The following BCL11B variants were observed in gnomAD, a reference collection of about 807,000 sequenced individuals.
The protein encoded by BCL11B is B-cell lymphoma/leukemia 11B.
In BCL11B, 8 loss-of-function variants were observed where a neutral mutation model predicts 49.9. The observed-to-expected ratio is 0.16, with a 90% confidence interval of 0.09 to 0.29. The LOEUF is 0.29. Among genes scored for constraint, BCL11B ranks in the 10% least tolerant of loss-of-function variants. The pLI is 1.00. For synonymous variants in BCL11B, 739 were observed against 637.4 expected (o/e 1.16, Z -2.40); for missense variants, 1,006 against 1,351.0 (o/e 0.74, Z 4.00).
At chr14:99,225,837 G>A (rs2139876547) in intron 3 of BCL11B, among the ~76,000 whole-genome samples, 1 of 152,346 alleles carries the variant, frequency 6.6e-6, no homozygotes, top group Non-Finnish European at 1.5e-5. Context: ...TCCACTCAGG[G>A]ATTTGCTGGG....
intron 2 of BCL11B, among the ~76,000 whole-genome samples, chr14:99,254,540 G>C (rs142565045): frequency 1.3e-5 from 2 of 152,318 alleles, no homozygotes; most frequent in South Asian, 4.1e-4. Context: ...CAGGACCCTC[G>C]AGGTCACCTC....
In BCL11B at chr14:99,261,832, G is replaced by A. The variant is rs139388671; in HGVS notation, c.59-3993C>T. On this transcript the variant is annotated intron_variant, in intron 1 of 3. Coordinates refer to ENST00000357195, the MANE Select transcript of BCL11B (RefSeq NM_138576.4). ...AAGGCAGATATCAGAGGGCTGAGGC[G>A]GATTCTGAAATGCTAAATCCTAAAG... Among the ~76,000 whole-genome samples, 105 of 152,216 alleles carry A rather than the reference G, an allele frequency of 6.9e-4. 1 individual carries two copies. In the East Asian group the frequency reaches 9.3e-3, roughly 13 times the overall value.
rs2139829888 is a variant in BCL11B at position 99,205,438 on chromosome 14, T to C, written c.640+25907A>G. 6.6e-6 allele frequency among the ~76,000 whole-genome samples: 1 copy of C among 152,268 alleles called. No homozygotes were observed. Among genetic ancestry groups the C allele is most frequent in the East Asian group, 1.9e-4 (1 of 5,168 alleles). On this transcript the variant is annotated intron_variant, in intron 3 of 3. Coordinates refer to ENST00000357195, the MANE Select transcript of BCL11B (RefSeq NM_138576.4). The surrounding 1 kb of genome is among the most constrained non-coding windows in gnomAD (Gnocchi z 5.0). Reference sequence around the variant, plus strand: ...CTCTCCCAAAGCCTGCATCTCCCACTTCTACAATGACTGGTTAAATGCGCC... The same window carrying C: ...CTCTCCCAAAGCCTGCATCTCCCACCTCTACAATGACTGGTTAAATGCGCC...
chr14:99,246,677 A>AG (rs1448311361), intron 2 of BCL11B, among the ~76,000 whole-genome samples: 1 of 151,962 alleles, frequency 6.6e-6, no homozygotes, highest in Admixed American at 6.5e-5. Context: ...GTGGCAATGA[A>AG]GGGGGCTATG....
chr14:99,217,018 T>G (rs556998327), intron 3 of BCL11B, among the ~76,000 whole-genome samples: 1 of 151,336 alleles, frequency 6.6e-6, no homozygotes, highest in East Asian at 2.0e-4. Context: ...GCACATATGC[T>G]CTCACATCTA....
In BCL11B at chr14:99,231,588, AGTCGGGCCCTGGACT is replaced by A. The variant is rs1239742064; in HGVS notation, c.428-46_428-32del. ...GAAAAAACAATAGAAAAGACTGGTC[AGTCGGGCCCTGGACT>A]GTGTGAGGGGCACGGGGTGGGACGG... On this transcript the variant is annotated intron_variant, in intron 2 of 3. Coordinates refer to ENST00000357195, the MANE Select transcript of BCL11B (RefSeq NM_138576.4). This position sits in a 1 kb window ranked among gnomAD's most constrained non-coding sequence, Gnocchi z 8.1. The A allele has an allele frequency of 8.5e-6, 13 of 1,527,754 alleles. No individual in the cohort carries two copies. In the East Asian group the frequency reaches 3.2e-4, roughly 38 times the overall value. 94.6% of individuals were successfully genotyped at this position (1,527,754 alleles called of 1,614,324 possible).
At chr14:99,201,272 G>T (rs1887374204) in intron 3 of BCL11B, among the ~76,000 whole-genome samples, 1 of 152,210 alleles carries the variant, frequency 6.6e-6, no homozygotes, top group South Asian at 2.1e-4. Flanking sequence ...CTGAAGAGTG[G>T]TCGGTAGTTA....
At position 99,249,593 on chromosome 14, in the gene BCL11B, G is replaced by A. The variant is rs1343016078; in HGVS notation, c.427+7878C>T. On this transcript the variant is annotated intron_variant, in intron 2 of 3. Coordinates refer to ENST00000357195, the MANE Select transcript of BCL11B (RefSeq NM_138576.4). Reference sequence around the variant, plus strand: ...CGTGGGGCAGAGAGGTGGATGGAATGTAGGCACAGTTATGACCACAGTGAA... The same window carrying A: ...CGTGGGGCAGAGAGGTGGATGGAATATAGGCACAGTTATGACCACAGTGAA... 3.3e-5 allele frequency among the ~76,000 whole-genome samples: 5 copies of A among 152,330 alleles called. No individual in the cohort carries two copies. The East Asian group carries it at 5.8e-4, about 18-fold the overall frequency.
At chr14:99,212,126 C>G (rs1297738912) in intron 3 of BCL11B, among the ~76,000 whole-genome samples, 23 of 152,164 alleles carry the variant, frequency 1.5e-4, no homozygotes, top group Admixed American at 1.5e-3. Flanking sequence ...GCCATCAACC[C>G]AAGCAACTGC....
At chr14:99,202,570 G>A (rs1172213276) in intron 3 of BCL11B, among the ~76,000 whole-genome samples, 3 of 152,210 alleles carry the variant, frequency 2.0e-5, no homozygotes, top group Admixed American at 6.5e-5. Context: ...CATGCGCAAG[G>A]CAACGCAAGG....
At chr14:99,265,574 A>G (rs1566836743) in intron 1 of BCL11B, among the ~76,000 whole-genome samples, 1 of 152,142 alleles carries the variant, frequency 6.6e-6, no homozygotes, top group Admixed American at 6.5e-5. Context: ...GGAGATTGCT[A>G]AACTGATTTT....
At chr14:99,218,964 G>A (rs920473006) in intron 3 of BCL11B, among the ~76,000 whole-genome samples, 2 of 152,200 alleles carry the variant, frequency 1.3e-5, no homozygotes, top group South Asian at 2.1e-4. Flanking sequence ...CAGGGAGCAC[G>A]GCCCTGCCGA....
Position 99,171,969 on chromosome 14 carries a change from C to A in BCL11B, c.*2182G>T, listed in dbSNP as rs1886304789. On this transcript the variant is annotated 3_prime_UTR_variant, in exon 4 of 4. Coordinates refer to ENST00000357195, the MANE Select transcript of BCL11B (RefSeq NM_138576.4). ...TTAATATATATAATATATACTAAAA[C>A]CCCGTCACCAAAAGAAAACAATATA... is the stretch of plus-strand genomic sequence containing the variant. 5.0e-6 allele frequency: 1 copy of A among 201,866 alleles called. No individual in the cohort carries two copies. Among genetic ancestry groups the A allele is most frequent in the African/African-American group, 2.3e-5 (1 of 43,350 alleles). The allele number at this position is 201,866 out of a possible 1,614,324, so 12.5% of individuals were successfully genotyped here. A position where few individuals can be genotyped will look rare whatever the true frequency, so the allele number is the denominator to read the frequency against.
chr14:99,252,296 T>C (rs1362414737), intron 2 of BCL11B, among the ~76,000 whole-genome samples: 3 of 152,230 alleles, frequency 2.0e-5, no homozygotes, highest in Admixed American at 2.0e-4. Context: ...CAACTCTAAA[T>C]AGATCAAGTG....
At chr14:99,216,721 C>T (rs1887844952) in intron 3 of BCL11B, among the ~76,000 whole-genome samples, 1 of 152,172 alleles carries the variant, frequency 6.6e-6, no homozygotes. Flanking sequence ...TCACCATAAA[C>T]ACAGAGCTTG....
chr14:99,220,754 A>T (rs191590310), intron 3 of BCL11B, among the ~76,000 whole-genome samples: 60 of 152,338 alleles, frequency 3.9e-4, no homozygotes, highest in African/African-American at 1.3e-3. Context: ...TACCACAATT[A>T]AAAAAACTCA....
In BCL11B at chr14:99,257,197, G is replaced by A. The variant is rs1274564036; in HGVS notation, c.427+274C>T. On this transcript the variant is annotated intron_variant, in intron 2 of 3. Coordinates refer to ENST00000357195, the MANE Select transcript of BCL11B (RefSeq NM_138576.4). The surrounding 1 kb of genome is among the most constrained non-coding windows in gnomAD (Gnocchi z 6.2). ...AACCAGACTTCCAAATTTTCATTCT[G>A]TGCTTCTGACCACCTCTGGATTAGC... 1.3e-5 allele frequency among the ~76,000 whole-genome samples: 2 copies of A among 152,134 alleles called. No individual in the cohort carries two copies. The highest frequency in any genetic ancestry group is 4.8e-5 in the African/African-American group (2 of 41,422).
intron 3 of BCL11B, among the ~76,000 whole-genome samples, chr14:99,190,259 C>T (rs777262017): frequency 2.6e-5 from 4 of 152,178 alleles, no homozygotes; most frequent in Non-Finnish European, 4.4e-5. Flanking sequence ...GAGGCCAAAG[C>T]GGGCAGATCA....
intron 1 of BCL11B, among the ~76,000 whole-genome samples, chr14:99,268,314 G>A (rs906431150): frequency 2.7e-5 from 4 of 149,742 alleles, no homozygotes; most frequent in African/African-American, 4.9e-5. Context: ...AAGACCATGC[G>A]TGCTATTTGT....
Sources: gnomAD v4.1 joint callset for allele counts (sites outside exome capture counted in the v4.1 genomes callset) on GRCh38, gnomAD v4.1.1 for gene constraint, Gnocchi (gnomAD v3.1) non-coding constraint, MANE v1.5 for transcripts, NCBI Gene and HGNC (gene_info 2026-07-23, HGNC 2026-07-21) for gene names.